ABR: variants seen among roughly 807,000 people sequenced by gnomAD.
The protein encoded by ABR is ABR activator of RhoGEF and GTPase, also known as active breakpoint cluster region-related protein.
ABR carries 35 observed loss-of-function variants against 107.2 expected under a neutral mutation model. That is an observed-to-expected ratio of 0.33 (90% CI 0.25 to 0.43). The LOEUF (loss-of-function observed/expected upper bound fraction) is 0.43, where lower values mean the gene tolerates loss of function less well. Among genes scored for constraint, ABR ranks in the 20% least tolerant of loss-of-function variants. ABR has a pLI of 1.00. For missense variants in ABR, 815 were observed against 1,115.2 expected, an observed-to-expected ratio of 0.73 and a Z score of 3.83; for synonymous variants, 498 against 462.0, an observed-to-expected ratio of 1.08 and a Z score of -1.00.
At chr17:1,016,939 C>T (rs2071212817) in intron 16 of ABR, among the ~76,000 whole-genome samples, 1 of 152,136 alleles carries the variant, frequency 6.6e-6, no homozygotes, top group Non-Finnish European at 1.5e-5. Context: ...CAGCCTTGGG[C>T]TTCCTGCAGC....
intron 16 of ABR, among the ~76,000 whole-genome samples, chr17:1,017,688 G>A (rs571584013): frequency 2.6e-5 from 4 of 151,726 alleles, no homozygotes; most frequent in Non-Finnish European, 4.4e-5. Context: ...GGCTGGTCTC[G>A]AACTCCTGAC....
intron 16 of ABR, among the ~76,000 whole-genome samples, chr17:1,016,877 G>A (rs753077800): frequency 1.3e-5 from 2 of 152,126 alleles, no homozygotes; most frequent in South Asian, 2.1e-4. Flanking sequence ...CGGTTTGAAC[G>A]CAGTTGCTAT....
chr17:1,157,407 C>T lies in ABR; in HGVS notation c.61+22260G>A, dbSNP rs1331127629. On this transcript the variant is annotated intron_variant, in intron 1 of 22. Coordinates refer to ENST00000302538, the MANE Select transcript of ABR (RefSeq NM_021962.5). The surrounding 1 kb of genome is among the most constrained non-coding windows in gnomAD (Gnocchi z 4.7). Reference sequence around the variant, plus strand: ...CTGGGATTACAGGTGTGCGCCACCACGCCCGGCTAATTTTTATATTTTTAA... The same window carrying T: ...CTGGGATTACAGGTGTGCGCCACCATGCCCGGCTAATTTTTATATTTTTAA... 7.2e-5 allele frequency among the ~76,000 whole-genome samples: 11 copies of T among 152,100 alleles called. No individual in the cohort carries two copies. The highest frequency in any genetic ancestry group is 3.3e-4 in the Admixed American group (5 of 15,260).
At position 1,203,442 on chromosome 17, in the gene ABR, TCTGC is replaced by T. The variant is rs2042721038; in HGVS notation, c.838+25347_838+25350del. Among the ~76,000 whole-genome samples, 2 of 22,744 alleles carry T rather than the reference TCTGC, an allele frequency of 8.8e-5. 1 individual carries two copies. The highest frequency in any genetic ancestry group is 8.6e-4 in the Admixed American group (2 of 2,334). 14.9% of individuals were successfully genotyped at this position (22,744 alleles called of 152,430 possible). On this transcript the variant is annotated intron_variant, in intron 1 of 22. Coordinates refer to the ABR transcript ENST00000574139. ...GGGGGCGGGGCCCGCGGGGACGGAGTCTGCGGGGGCGGGGCCCGCGGGGACGGAG... is the reference window on the plus strand; with the variant it reads ...GGGGGCGGGGCCCGCGGGGACGGAGTGGGGGCGGGGCCCGCGGGGACGGAG...
rs1264876676 is a variant in ABR, at chr17:1,053,349, G to A, written c.1561+2686C>T. Among the ~76,000 whole-genome samples, 3 of 100,634 alleles carry A rather than the reference G, an allele frequency of 3.0e-5. 1 individual carries two copies. Among genetic ancestry groups the A allele is most frequent in the Admixed American group, 9.6e-5 (1 of 10,396 alleles). 66.0% of individuals were successfully genotyped at this position (100,634 alleles called of 152,430 possible). The stretch of plus-strand genomic sequence containing the variant: ...CAGAGGGAGGGTTCGAGAAGGGGCT[G>A]GGGGAGGGCTCACAGGGTCAGAGGG... On this transcript the variant is annotated intron_variant, in intron 14 of 22. Transcript: ENST00000302538.
At chr17:1,026,227 A>T (rs2072182709) in intron 16 of ABR, among the ~76,000 whole-genome samples, 1 of 152,272 alleles carries the variant, frequency 6.6e-6, no homozygotes, top group Admixed American at 6.5e-5. Flanking sequence ...ACAGCAGTTA[A>T]GTAGCAGACT....
chr17:1,012,038 G>A (rs114584757), intron 18 of ABR, 53 bp from the exon 19 acceptor site: 20 of 1,605,956 alleles, frequency 1.2e-5, no homozygotes, highest in Middle Eastern at 3.3e-4. Context: ...CAGCTCTCCC[G>A]TAGCAACCCC....
chr17:1,094,751 C>T (rs1233438789), intron 3 of ABR, among the ~76,000 whole-genome samples: 1 of 152,174 alleles, frequency 6.6e-6, no homozygotes, highest in Non-Finnish European at 1.5e-5. Flanking sequence ...CTGTAAGCAC[C>T]AACCACATGG....
intron 1 of ABR, among the ~76,000 whole-genome samples, chr17:1,161,395 C>T (rs918382130): frequency 1.5e-5 from 2 of 137,228 alleles, no homozygotes; most frequent in Admixed American, 1.5e-4. Flanking sequence ...GGGCATTCCA[C>T]CACACCTGGC....
intron 2 of ABR, among the ~76,000 whole-genome samples, chr17:1,107,223 G>A (rs959843480): frequency 1.3e-5 from 2 of 152,214 alleles, no homozygotes; most frequent in Non-Finnish European, 2.9e-5. Flanking sequence ...GGTGTGACAC[G>A]TGCTCAGGCT....
At chr17:1,147,313 CTTGTG>C (rs1228065880) in intron 1 of ABR, among the ~76,000 whole-genome samples, 2 of 151,758 alleles carry the variant, frequency 1.3e-5, no homozygotes, top group African/African-American at 4.8e-5. Context: ...CAGCAGCTTG[CTTGTG>C]TTAAGTGATG....
Position 1,137,435 on chromosome 17 carries a change from T to G in ABR, c.62-12068A>C, listed in dbSNP as rs975867201. Among the ~76,000 whole-genome samples the G allele has an allele frequency of 9.0e-5, 5 of 55,308 alleles. No individual in the cohort carries two copies. The South Asian group carries it at 3.2e-3, about 35-fold the overall frequency. 36.3% of individuals were successfully genotyped at this position (55,308 alleles called of 152,430 possible). On this transcript the variant is annotated intron_variant, in intron 1 of 22. Transcript: ENST00000302538. ...CTCACTGGACTAACTTGGATATTTT[T>G]GTGTCTCAGGGAATAGGGAGGCTGG...
rs148088147 is a variant in ABR, at chr17:1,223,744, A to T, written c.838+5049T>A. ...TCACCGCGGAAGGCAAAGGAAAAGC[A>T]ACCACCTTCTTCACAAGGCGGCAGG... On this transcript the variant is annotated intron_variant, in intron 1 of 22. Transcript: ENST00000574139. Among the ~76,000 whole-genome samples, 9 of 152,276 alleles carry T rather than the reference A, an allele frequency of 5.9e-5. No individual in the cohort carries two copies. The East Asian group carries it at 1.7e-3, about 29-fold the overall frequency.
chr17:1,024,762 G>A (rs143992082), intron 16 of ABR, among the ~76,000 whole-genome samples: 2,471 of 140,412 alleles, frequency 0.018, 41 homozygotes, highest in Non-Finnish European at 0.027. Context: ...CTCCAGCCTG[G>A]GCGAGAGAGT....
intron 16 of ABR, among the ~76,000 whole-genome samples, chr17:1,041,363 G>T (rs1180814915): frequency 6.6e-6 from 1 of 152,202 alleles, no homozygotes; most frequent in South Asian, 2.1e-4. Context: ...TCACAGCACC[G>T]ACTGGCTCTT....
At position 1,166,682 on chromosome 17, in the gene ABR, G is replaced by A. The variant is rs538704058; in HGVS notation, c.61+12985C>T. ...CTTCCCATCCAGTGTGGGCAGCGCG[G>A]GCCTCACCTGGGACTTGCTAGAAAT... On this transcript the variant is annotated intron_variant, in intron 1 of 22. Transcript: ENST00000302538. 4.4e-4 allele frequency among the ~76,000 whole-genome samples: 67 copies of A among 152,336 alleles called. 1 individual carries two copies. The highest frequency in any genetic ancestry group is 1.6e-3 in the African/African-American group (67 of 41,578).
upstream of ABR, among the ~76,000 whole-genome samples, chr17:1,184,453 C>G (rs1344500079): frequency 6.6e-6 from 1 of 151,838 alleles, no homozygotes; most frequent in Non-Finnish European, 1.5e-5. Flanking sequence ...GACTCCGTCT[C>G]AAAAATAAAA....
Position 1,179,468 on chromosome 17 carries a change from G to A in ABR, c.61+199C>T, listed in dbSNP as rs1003378158. On this transcript the variant is annotated intron_variant, in intron 1 of 22. Coordinates refer to ENST00000302538, the MANE Select transcript of ABR (RefSeq NM_021962.5). This position sits in a 1 kb window ranked among gnomAD's most constrained non-coding sequence, Gnocchi z 4.9. Reference sequence around the variant, plus strand: ...CGCCCCCCAGACCAGCCCGGCTCCTGGGTCCCGACCCCGATCCCGATTCCC... The same window carrying A: ...CGCCCCCCAGACCAGCCCGGCTCCTAGGTCCCGACCCCGATCCCGATTCCC... 6.6e-6 allele frequency among the ~76,000 whole-genome samples: 1 copy of A among 151,124 alleles called. No homozygotes were observed. Among genetic ancestry groups the A allele is most frequent in the Non-Finnish European group, 1.5e-5 (1 of 67,726 alleles).
intron 16 of ABR, among the ~76,000 whole-genome samples, chr17:1,043,099 G>T (rs892787558): frequency 6.6e-6 from 1 of 152,194 alleles, no homozygotes; most frequent in Non-Finnish European, 1.5e-5. Context: ...GGGCCAACAA[G>T]TTCTGGATAT....
Sources: allele counts gnomAD v4.1 joint callset (sites outside exome capture counted in the v4.1 genomes callset), GRCh38; gene constraint gnomAD v4.1.1; non-coding constraint Gnocchi (gnomAD v3.1); transcripts MANE v1.5; gene names NCBI Gene and HGNC (gene_info 2026-07-23, HGNC 2026-07-21).